The following DLGAP2 variants were observed in gnomAD, a reference collection of about 807,000 sequenced individuals.
DLGAP2 encodes the protein DLG associated protein 2, also known as disks large-associated protein 2.
A neutral mutation model predicts 100.3 loss-of-function variants in DLGAP2; 26 were observed. That is an observed-to-expected ratio of 0.26 (90% CI 0.19 to 0.36). The LOEUF (loss-of-function observed/expected upper bound fraction) is 0.36, where lower values mean the gene tolerates loss of function less well. Among genes scored for constraint, DLGAP2 ranks in the 10% least tolerant of loss-of-function variants. The pLI is 1.00. For synonymous variants in DLGAP2, 886 were observed against 630.1 expected, an observed-to-expected ratio of 1.41 and a Z score of -6.08; for missense variants, 1,858 against 1,453.2, an observed-to-expected ratio of 1.28 and a Z score of -4.53.
In DLGAP2 at chr8:1,034,468, A is replaced by C. The variant is rs867024423; in HGVS notation, c.73+126502A>C. On this transcript the variant is annotated intron_variant, in intron 2 of 14. Transcript: ENST00000637795. ...GCTCATCCCAACCCCGCGTGTCACC[A>C]CGAGTGGGTTCACAGCCTCATCCCG... 4.5e-4 allele frequency among the ~76,000 whole-genome samples: 6 copies of C among 13,458 alleles called. 1 individual carries two copies. The highest frequency in any genetic ancestry group is 5.2e-3 in the South Asian group (1 of 194). The allele number at this position is 13,458 out of a possible 152,430, so 8.8% of individuals were successfully genotyped here.
At chr8:1,203,834 G>C (rs1006243254) in intron 2 of DLGAP2, among the ~76,000 whole-genome samples, 3 of 152,202 alleles carry the variant, frequency 2.0e-5, no homozygotes, top group Admixed American at 1.3e-4. Context: ...TGGTGCAGCA[G>C]TCAGGGGGCT....
intron 1 of DLGAP2, among the ~76,000 whole-genome samples, chr8:902,372 T>TC (rs1031826384): frequency 1.3e-5 from 2 of 148,576 alleles, no homozygotes; most frequent in African/African-American, 5.0e-5. Context: ...GGGGGGGCAC[T>TC]CCAAGGGCAG....
chr8:1,598,206 G>C (rs1329285894), intron 6 of DLGAP2, among the ~76,000 whole-genome samples: 7 of 152,212 alleles, frequency 4.6e-5, no homozygotes, highest in Non-Finnish European at 1.5e-5. Context: ...GCATCCCAGG[G>C]ATGAAGCCGA....
intron 2 of DLGAP2, among the ~76,000 whole-genome samples, chr8:1,182,586 A>G (rs1024279252): frequency 6.6e-5 from 10 of 152,182 alleles, no homozygotes; most frequent in Non-Finnish European, 1.5e-4. Flanking sequence ...TTGTGGCCCT[A>G]ACAGAATTGT....
chr8:835,919 A>G (rs1396536888), intron 1 of DLGAP2, among the ~76,000 whole-genome samples: 2 of 152,086 alleles, frequency 1.3e-5, no homozygotes, highest in African/African-American at 4.8e-5. Context: ...ATGTTTGTGT[A>G]TCCATCCCTT....
At chr8:1,220,033 A>C (rs1487078473) in intron 2 of DLGAP2, among the ~76,000 whole-genome samples, 1 of 151,862 alleles carries the variant, frequency 6.6e-6, no homozygotes, top group East Asian at 1.9e-4. Flanking sequence ...GTGGTCTATC[A>C]GTATTATTTC....
At chr8:792,945 T>C (rs1473130616) in intron 1 of DLGAP2, among the ~76,000 whole-genome samples, 2 of 152,222 alleles carry the variant, frequency 1.3e-5, no homozygotes, top group Non-Finnish European at 2.9e-5. Context: ...TCAGCACCTT[T>C]TACCTTAACA....
At chr8:942,702 T>G in intron 2 of DLGAP2, among the ~76,000 whole-genome samples, 1 of 152,220 alleles carries the variant, frequency 6.6e-6, no homozygotes, top group Admixed American at 6.5e-5. Flanking sequence ...CCAACCCCAC[T>G]TCTGACACCA....
At chr8:871,480 C>G (rs1484681865) in intron 1 of DLGAP2, among the ~76,000 whole-genome samples, 1 of 152,198 alleles carries the variant, frequency 6.6e-6, no homozygotes, top group Admixed American at 6.5e-5. Flanking sequence ...ACTTTAAAAT[C>G]AGTTTTCAAG....
intron 3 of DLGAP2, among the ~76,000 whole-genome samples, chr8:1,309,181 G>A (rs1800558126): frequency 6.6e-6 from 1 of 151,974 alleles, no homozygotes; most frequent in South Asian, 2.1e-4. Context: ...TGAAAAGAAA[G>A]AATATTTGGA....
chr8:1,538,937 A>G (rs1801254137), intron 4 of DLGAP2, among the ~76,000 whole-genome samples: 1 of 144,874 alleles, frequency 6.9e-6, no homozygotes, highest in Non-Finnish European at 1.5e-5. Flanking sequence ...CTAGGCTGGA[A>G]TGCAATGGTG....
intron 3 of DLGAP2, among the ~76,000 whole-genome samples, chr8:1,436,515 C>T (rs1797634305): frequency 2.0e-5 from 3 of 152,170 alleles, no homozygotes; most frequent in Admixed American, 2.0e-4. Context: ...TTGGAAACAC[C>T]CTCACAGACA....
intron 3 of DLGAP2, among the ~76,000 whole-genome samples, chr8:1,441,612 C>T (rs1797834534): frequency 6.7e-6 from 1 of 148,870 alleles, no homozygotes; most frequent in African/African-American, 2.5e-5. Context: ...CGCTTGAGCC[C>T]AGGAGGCGGA....
intron 1 of DLGAP2, among the ~76,000 whole-genome samples, chr8:903,289 T>TA: frequency 6.6e-6 from 1 of 152,182 alleles, no homozygotes; most frequent in East Asian, 1.9e-4. Context: ...GGCTGTAGGA[T>TA]AAGCGAGTTG....
intron 4 of DLGAP2, among the ~76,000 whole-genome samples, chr8:1,523,713 T>A (rs1584889068): frequency 1.3e-5 from 2 of 152,340 alleles, no homozygotes; most frequent in East Asian, 3.9e-4. Context: ...GCACTAATCA[T>A]GTCCTTTTAC....
chr8:759,977 G>T (rs1358674305), intron 1 of DLGAP2, among the ~76,000 whole-genome samples: 1 of 152,154 alleles, frequency 6.6e-6, no homozygotes, highest in Non-Finnish European at 1.5e-5. Flanking sequence ...AATTGTCAGG[G>T]TTGAGACCAT....
At chr8:1,048,382 A>AGGGCCTCTCCT (rs1802574204) in intron 2 of DLGAP2, among the ~76,000 whole-genome samples, 2 of 152,078 alleles carry the variant, frequency 1.3e-5, no homozygotes, top group Non-Finnish European at 2.9e-5. Flanking sequence ...TTCAGTTATT[A>AGGGCCTCTCCT]GGGCCTCTCC....
intron 8 of DLGAP2, among the ~76,000 whole-genome samples, chr8:1,657,186 G>A (rs1798304121): frequency 1.3e-5 from 2 of 152,122 alleles, no homozygotes; most frequent in South Asian, 2.1e-4. Flanking sequence ...ATACATATTT[G>A]ATCACTTATA....
intron 2 of DLGAP2, among the ~76,000 whole-genome samples, chr8:1,258,540 C>T (rs1419115638): frequency 6.6e-6 from 1 of 152,118 alleles, no homozygotes; most frequent in African/African-American, 2.4e-5. Context: ...CACCATGGCA[C>T]CTGTATACCT....
Sources: gnomAD v4.1 joint callset for allele counts (sites outside exome capture counted in the v4.1 genomes callset) on GRCh38, gnomAD v4.1.1 for gene constraint, MANE v1.5 for transcripts, NCBI Gene and HGNC (gene_info 2026-07-23, HGNC 2026-07-21) for gene names.